PUM2: variants seen among roughly 807,000 people sequenced by gnomAD.
PUM2 encodes pumilio homolog 2.
PUM2 carries 57 observed loss-of-function variants against 124.5 expected under a neutral mutation model. The observed-to-expected ratio is 0.46, with a 90% CI of 0.37 to 0.57. PUM2 has a LOEUF of 0.57. Among genes scored for constraint, PUM2 ranks in the 20% least tolerant of loss-of-function variants. The pLI is 0.00. For synonymous variants in PUM2, 460 were observed against 446.1 expected, an observed-to-expected ratio of 1.03 and a Z score of -0.39; for missense variants, 1,065 against 1,290.6, an observed-to-expected ratio of 0.83 and a Z score of 2.68.
intron 7 of PUM2, among the ~76,000 whole-genome samples, chr2:20,301,596 T>C (rs557889336): frequency 3.3e-5 from 5 of 150,814 alleles, no homozygotes; most frequent in Middle Eastern, 3.4e-3. Flanking sequence ...AGCTCATCCT[T>C]TTTTTTTTGA....
At chr2:20,298,141 T>G (rs150944292) in intron 7 of PUM2, among the ~76,000 whole-genome samples, 1 of 152,304 alleles carries the variant, frequency 6.6e-6, no homozygotes, top group East Asian at 1.9e-4. Context: ...AAGCACTCCA[T>G]CTGGTGAGAA....
At chr2:20,315,836 CAAAA>C (rs60828412) in intron 3 of PUM2, among the ~76,000 whole-genome samples, 2 of 72,352 alleles carry the variant, frequency 2.8e-5, no homozygotes, top group Non-Finnish European at 5.2e-5. Context: ...AACCTGGTCT[CAAAA>C]AAAAAAAAAA....
intron 13 of PUM2, among the ~76,000 whole-genome samples, chr2:20,274,861 A>G (rs1045212749): frequency 2.0e-5 from 3 of 150,902 alleles, no homozygotes; most frequent in African/African-American, 4.9e-5. Context: ...TATTAGAAGA[A>G]GGAAAACAAG....
chr2:20,267,747 G>C (rs999695334), intron 13 of PUM2, among the ~76,000 whole-genome samples: 21 of 152,154 alleles, frequency 1.4e-4, no homozygotes, highest in African/African-American at 5.1e-4. Context: ...AAAGGTATGG[G>C]ACATGCAGCT....
At chr2:20,329,435 C>T (rs950008158) in intron 1 of PUM2, among the ~76,000 whole-genome samples, 1 of 63,356 alleles carries the variant, frequency 1.6e-5, no homozygotes, top group Non-Finnish European at 3.4e-5. Flanking sequence ...CCCCTCATCT[C>T]AAAAAAAAAA....
chr2:20,277,094 A>C (rs1670442202), intron 13 of PUM2, among the ~76,000 whole-genome samples: 3 of 152,150 alleles, frequency 2.0e-5, no homozygotes, highest in Admixed American at 1.3e-4. Flanking sequence ...CCATTTATAC[A>C]GGCACTAAAG....
intron 1 of PUM2, among the ~76,000 whole-genome samples, chr2:20,342,212 G>C (rs1265898247): frequency 1.3e-5 from 2 of 152,000 alleles, no homozygotes; most frequent in Non-Finnish European, 2.9e-5. Flanking sequence ...TGCATGGTCT[G>C]AGACAACTGG....
chr2:20,331,404 A>C (rs546525468), intron 1 of PUM2, among the ~76,000 whole-genome samples: 26 of 152,334 alleles, frequency 1.7e-4, no homozygotes, highest in South Asian at 6.2e-4. Flanking sequence ...CTAATAGCTA[A>C]AATAAAGTGC....
chr2:20,319,193 C>A (rs1681713434), intron 2 of PUM2, among the ~76,000 whole-genome samples: 1 of 152,234 alleles, frequency 6.6e-6, no homozygotes, highest in East Asian at 1.9e-4. Flanking sequence ...ATCTCAAGGC[C>A]CTGTGCTCTA....
At chr2:20,275,657 T>C (rs1214934739) in intron 13 of PUM2, among the ~76,000 whole-genome samples, 3 of 152,064 alleles carry the variant, frequency 2.0e-5, no homozygotes, top group African/African-American at 7.2e-5. Context: ...AACCCCATGT[T>C]GTCAAAATAA....
intron 13 of PUM2, among the ~76,000 whole-genome samples, chr2:20,266,572 C>T (rs895261676): frequency 3.3e-5 from 5 of 151,868 alleles, no homozygotes; most frequent in Admixed American, 1.3e-4. Context: ...ATTAATTTCA[C>T]CCAGGGAAGC....
chr2:20,329,435 CAAA>C (rs112041256), intron 1 of PUM2, among the ~76,000 whole-genome samples: 4 of 63,330 alleles, frequency 6.3e-5, no homozygotes, highest in Non-Finnish European at 6.9e-5. Flanking sequence ...CCCCTCATCT[CAAA>C]AAAAAAAAAA....
At chr2:20,336,071 G>T (rs1355408648) in intron 1 of PUM2, among the ~76,000 whole-genome samples, 1 of 152,210 alleles carries the variant, frequency 6.6e-6, no homozygotes, top group Non-Finnish European at 1.5e-5. Flanking sequence ...CTCAATCTAT[G>T]CTGGGTTTTG....
chr2:20,324,587 T>A (rs1193851932), intron 2 of PUM2, among the ~76,000 whole-genome samples: 1 of 152,196 alleles, frequency 6.6e-6, no homozygotes, highest in Non-Finnish European at 1.5e-5. Flanking sequence ...GACTTAACAC[T>A]ACACTAATAA....
At chr2:20,267,288 A>T (rs1667922865) in intron 13 of PUM2, among the ~76,000 whole-genome samples, 1 of 152,090 alleles carries the variant, frequency 6.6e-6, no homozygotes, top group South Asian at 2.1e-4. Context: ...AGCCTCCAAA[A>T]GTGCTGAGAT....
chr2:20,325,783 G>A (rs1381023330), intron 2 of PUM2, among the ~76,000 whole-genome samples: 3 of 152,008 alleles, frequency 2.0e-5, no homozygotes, highest in Admixed American at 6.6e-5. Flanking sequence ...CGCCACGCCC[G>A]GCTAATTTTT....
rs1218402581 is a variant in PUM2, at chr2:20,251,656, A to T, written c.3124T>A (p.Leu1042Met). ...CTATTCTTCAAATAATACTTTTCCA[A>T]CTTGGCCAGTATATGCTTCCCGTAT... ...YTYGKHILAKLEKYYLKNSPD... is the reference protein window; with the variant it reads ...YTYGKHILAKMEKYYLKNSPD... The change falls in exon 21 of 21, where the codon TTG (leucine) becomes ATG (methionine). Residue 1042 changes from leucine to methionine, a missense_variant. Around this residue, in one of 3 missense-constraint regions of PUM2, gnomAD observed 968 missense variants for 1,159.8 expected, o/e 0.83. Coordinates refer to ENST00000361078, the MANE Select transcript of PUM2 (RefSeq NM_015317.5). 1 of 1,613,684 alleles carries T rather than the reference A, an allele frequency of 6.2e-7. No individual in the cohort carries two copies. The highest frequency in any genetic ancestry group is 8.5e-7 in the Non-Finnish European group (1 of 1,179,692).
intron 1 of PUM2, among the ~76,000 whole-genome samples, chr2:20,347,726 C>T (rs998097198): frequency 6.6e-6 from 1 of 152,184 alleles, no homozygotes; most frequent in Non-Finnish European, 1.5e-5. Context: ...ACTGATAAAA[C>T]CACAGTGGAG....
intron 12 of PUM2, among the ~76,000 whole-genome samples, chr2:20,279,366 T>G (rs1159104780): frequency 6.6e-6 from 1 of 152,196 alleles, no homozygotes; most frequent in East Asian, 1.9e-4. Context: ...TGAAATACAG[T>G]GAGCAGCTAA....
Sources: allele counts gnomAD v4.1 joint callset (sites outside exome capture counted in the v4.1 genomes callset), GRCh38; gene constraint gnomAD v4.1.1; regional missense constraint gnomAD v4.1.1; transcripts MANE v1.5; gene names NCBI Gene and HGNC (gene_info 2026-07-23, HGNC 2026-07-21).